FAM193A: variants seen among roughly 807,000 people sequenced by gnomAD.
FAM193A encodes the protein protein FAM193A.
Under a neutral mutation model 126.5 loss-of-function variants are expected in FAM193A, and 22 were observed. The observed-to-expected ratio is 0.17, with a 90% CI of 0.12 to 0.25. The LOEUF (loss-of-function observed/expected upper bound fraction) is 0.25. Among genes scored for constraint, FAM193A ranks in the 10% least tolerant of loss-of-function variants. The pLI is 1.00. For synonymous variants in FAM193A, 761 were observed against 646.8 expected, an observed-to-expected ratio of 1.18 and a Z score of -2.68; for missense variants, 1,675 against 1,672.8, an observed-to-expected ratio of 1.00 and a Z score of -0.02.
At chr4:2,688,395 A>G (rs1171915067) in intron 13 of FAM193A, among the ~76,000 whole-genome samples, 1 of 152,122 alleles carries the variant, frequency 6.6e-6, no homozygotes, top group Admixed American at 6.5e-5. Flanking sequence ...TGAGGAAGCG[A>G]TCTTTAGGCC....
intron 19 of FAM193A, among the ~76,000 whole-genome samples, chr4:2,704,261 C>CAAAAAAAAA (rs958166050): frequency 1.1e-5 from 1 of 89,316 alleles, no homozygotes; most frequent in African/African-American, 4.6e-5. Context: ...GACTCCATCT[C>CAAAAAAAAA]AAAAAAAAAA....
At chr4:2,663,759 G>A (rs1363330386) in intron 12 of FAM193A, among the ~76,000 whole-genome samples, 1 of 152,210 alleles carries the variant, frequency 6.6e-6, no homozygotes, top group Non-Finnish European at 1.5e-5. Context: ...TTGAGGCCAG[G>A]AATCCAAGAC....
At chr4:2,555,895 C>T (rs528030894) in intron 1 of FAM193A, among the ~76,000 whole-genome samples, 141 of 151,046 alleles carry the variant, frequency 9.3e-4, no homozygotes, top group Middle Eastern at 3.5e-3. Context: ...GGATTACAAG[C>T]GTGAGAGACA....
intron 19 of FAM193A, chr4:2,708,116 A>T (rs1718514460): frequency 9.0e-6 from 4 of 444,202 alleles, no homozygotes. Flanking sequence ...AAAGCTATTG[A>T]TTTTTGTTTG....
chr4:2,708,081 C>G (rs1718511392), intron 19 of FAM193A: 1 of 430,592 alleles, frequency 2.3e-6, no homozygotes, highest in Non-Finnish European at 4.6e-6. Flanking sequence ...TAGTGCTGCC[C>G]TAACTGGTTA....
At chr4:2,643,713 C>T (rs981652583) in intron 6 of FAM193A, among the ~76,000 whole-genome samples, 1 of 152,122 alleles carries the variant, frequency 6.6e-6, no homozygotes, top group Non-Finnish European at 1.5e-5. Context: ...CTGGATCCTG[C>T]GTGGGCGTGT....
chr4:2,677,463 G>A (rs1344752466), intron 13 of FAM193A, among the ~76,000 whole-genome samples: 1 of 151,664 alleles, frequency 6.6e-6, no homozygotes, highest in Non-Finnish European at 1.5e-5. Context: ...TGGGTTGGCC[G>A]GGCACGGTGG....
intron 1 of FAM193A, among the ~76,000 whole-genome samples, chr4:2,541,308 G>A (rs552247154): frequency 1.3e-3 from 203 of 151,950 alleles, no homozygotes; most frequent in Admixed American, 2.8e-3. Context: ...CTCCAGCCTG[G>A]GCAACAAAAG....
chr4:2,654,378 ATTTTTTTTTTTTTTTTT>A (rs372926172), intron 7 of FAM193A: 1 of 114,588 alleles, frequency 8.7e-6, no homozygotes, highest in African/African-American at 3.4e-5. Context: ...TGCCTGGCTA[ATTTTTTTTTTTTTTTTT>A]TTTTTTGTAT....
chr4:2,651,194 G>A (rs1745628846), intron 7 of FAM193A, among the ~76,000 whole-genome samples: 1 of 152,208 alleles, frequency 6.6e-6, no homozygotes, highest in Admixed American at 6.5e-5. Context: ...GCCGAGCGTG[G>A]TGGCACATGC....
chr4:2,694,345 C>G (rs1461448401), intron 16 of FAM193A, among the ~76,000 whole-genome samples: 1 of 152,074 alleles, frequency 6.6e-6, no homozygotes, highest in Non-Finnish European at 1.5e-5. Context: ...TCTCAGCTCA[C>G]TGCAACCTCC....
chr4:2,590,976 G>A (rs1286027501), intron 1 of FAM193A, among the ~76,000 whole-genome samples: 5 of 151,346 alleles, frequency 3.3e-5, no homozygotes, highest in Non-Finnish European at 5.9e-5. Context: ...GCACTGAGCC[G>A]AGATCGTGCC....
intron 8 of FAM193A, 44 bp from the exon 9 acceptor site, chr4:2,659,514 G>C: frequency 7.5e-7 from 1 of 1,333,390 alleles, no homozygotes; most frequent in Non-Finnish European, 1.1e-6. Flanking sequence ...CCATGTCTCG[G>C]GGAAGGGTCT....
chr4:2,665,764 C>T (rs1713039118), intron 12 of FAM193A, among the ~76,000 whole-genome samples: 1 of 152,250 alleles, frequency 6.6e-6, no homozygotes. Flanking sequence ...TGGCCTCAAG[C>T]CATCCTCCCA....
At chr4:2,665,967 C>T (rs185903606) in intron 12 of FAM193A, among the ~76,000 whole-genome samples, 1 of 152,322 alleles carries the variant, frequency 6.6e-6, no homozygotes, top group East Asian at 1.9e-4. Context: ...CTGACTCAGC[C>T]TCCCGAGTGC....
chr4:2,598,054 G>A (rs1364040389), intron 2 of FAM193A, among the ~76,000 whole-genome samples: 5 of 152,132 alleles, frequency 3.3e-5, no homozygotes, highest in Non-Finnish European at 7.4e-5. Context: ...ACAGGCACGC[G>A]CCACCATGCC....
chr4:2,536,193 C>A (rs1736861393), upstream of FAM193A, among the ~76,000 whole-genome samples: 1 of 151,094 alleles, frequency 6.6e-6, no homozygotes, highest in African/African-American at 2.4e-5. Context: ...GCAGCGGACA[C>A]CGGTCAGAGA....
rs141302822 is a variant in FAM193A, at chr4:2,623,507, C to T, written c.502-1755C>T. Reference sequence around the variant, plus strand: ...TCTTAATCCTCTGCCCACTTAGCAACGCTCAGGCTTTTCTGCTGCAGGGTC... The same window carrying T: ...TCTTAATCCTCTGCCCACTTAGCAATGCTCAGGCTTTTCTGCTGCAGGGTC... On this transcript the variant is annotated intron_variant, in intron 2 of 20. Coordinates refer to ENST00000637812, the MANE Select transcript of FAM193A (RefSeq NM_001366318.2). 1.4e-3 allele frequency among the ~76,000 whole-genome samples: 210 copies of T among 152,366 alleles called. 1 individual carries two copies. Among genetic ancestry groups the T allele is most frequent in the African/African-American group, 4.9e-3 (205 of 41,590 alleles).
rs538313774 is a variant in FAM193A, at chr4:2,706,990, C to T, written c.4372+6446C>T. On this transcript the variant is annotated intron_variant, in intron 19 of 20. Transcript: ENST00000637812. ...AAAAAAAATTAGCCAGGTGTGGTGG[C>T]GAGCGCCTGTGGTCCCAGCTGCTCG... Among the ~76,000 whole-genome samples the T allele has an allele frequency of 2.2e-3, 329 of 151,842 alleles. 1 individual carries two copies. The highest frequency in any genetic ancestry group is 5.9e-3 in the Admixed American group (89 of 15,212).
Sources: gnomAD v4.1 joint callset for allele counts (sites outside exome capture counted in the v4.1 genomes callset) on GRCh38, gnomAD v4.1.1 for gene constraint, MANE v1.5 for transcripts, NCBI Gene and HGNC (gene_info 2026-07-23, HGNC 2026-07-21) for gene names.